Variants in CNR1 observed in about 807,000 individuals in gnomAD.
The protein encoded by CNR1 is cannabinoid receptor 1, also known as cannabinoid receptor 1 (brain).
In CNR1, 10 loss-of-function variants were observed where a neutral mutation model predicts 23.0. That is an observed-to-expected ratio of 0.43 (90% confidence interval 0.27 to 0.74). The LOEUF is 0.74. Ranked by LOEUF, CNR1 falls within the 30% of genes least tolerant of loss-of-function variation. The pLI is 0.19. For synonymous variants in CNR1, 271 were observed against 255.2 expected (o/e 1.06, Z -0.59); for missense variants, 422 against 618.8 (o/e 0.68, Z 3.37).
intron 1 of CNR1, among the ~76,000 whole-genome samples, chr6:88,146,099 T>TC (rs1554280035): frequency 6.6e-6 from 1 of 151,832 alleles, no homozygotes; most frequent in Non-Finnish European, 1.5e-5. Context: ...AGAGTTTTTT[T>TC]TTTCTTTCTT....
At chr6:88,162,016 C>T (rs1191724800) in intron 1 of CNR1, among the ~76,000 whole-genome samples, 1 of 152,142 alleles carries the variant, frequency 6.6e-6, no homozygotes, top group East Asian at 1.9e-4. Context: ...CTGTCTTAAA[C>T]CCATCAGTGT....
At chr6:88,160,426 TTTTC>T (rs1778035654) in intron 1 of CNR1, among the ~76,000 whole-genome samples, 2 of 151,592 alleles carry the variant, frequency 1.3e-5, no homozygotes, top group African/African-American at 2.4e-5. Context: ...AAAAAATTTT[TTTTC>T]TTTTCTTTTT....
chr6:88,154,724 G>C (rs1352776005), intron 1 of CNR1, among the ~76,000 whole-genome samples: 1 of 152,124 alleles, frequency 6.6e-6, no homozygotes, highest in Non-Finnish European at 1.5e-5. Context: ...GATTACAGGT[G>C]CATGCCACCA....
chr6:88,149,374 G>A (rs1192091941), intron 1 of CNR1, among the ~76,000 whole-genome samples: 1 of 152,080 alleles, frequency 6.6e-6, no homozygotes, highest in Non-Finnish European at 1.5e-5. Flanking sequence ...ACCTCTTCTA[G>A]AACATGCTCT....
In CNR1 at chr6:88,143,591, G is replaced by T. The variant is rs757342765; in HGVS notation, c.*265C>A. On this transcript the variant is annotated 3_prime_UTR_variant, in exon 2 of 2. Coordinates refer to ENST00000369501, the MANE Select transcript of CNR1 (RefSeq NM_016083.6). ...TAGACTTCCAATTGTGTAGCCAAAG[G>T]TTTCCCTCCTATTTCATTGAGACTT... The T allele has an allele frequency of 1.1e-5, 4 of 364,724 alleles. No individual in the cohort carries two copies. Among genetic ancestry groups the T allele is most frequent in the Non-Finnish European group, 1.5e-5 (3 of 202,326 alleles). The allele number at this position is 364,724 out of a possible 1,614,324, so 22.6% of individuals were successfully genotyped here. A position where few individuals can be genotyped will look rare whatever the true frequency, so the allele number is the denominator to read the frequency against.
rs1776892506 is a variant in CNR1 at position 88,142,747 on chromosome 6, C to G, written c.*1109G>C. ...CTTTATGACATTACTGTAACAGTTA[C>G]AGGACAGAAACACACATACACACAT... On this transcript the variant is annotated 3_prime_UTR_variant, in exon 2 of 2. Transcript: ENST00000369501. 6.6e-6 allele frequency: 1 copy of G among 152,568 alleles called. No homozygotes were observed. Among genetic ancestry groups the G allele is most frequent in the Non-Finnish European group, 1.5e-5 (1 of 68,038 alleles). The allele number at this position is 152,568 out of a possible 1,614,324, so 9.5% of individuals were successfully genotyped here. A position where few individuals can be genotyped will look rare whatever the true frequency, so the allele number is the denominator to read the frequency against.
At position 88,143,926 on chromosome 6, in the gene CNR1, A is replaced by G. The variant is rs764437215; in HGVS notation, c.1349T>C (p.Ile450Thr). 2 of 1,614,058 alleles carry G rather than the reference A, an allele frequency of 1.2e-6. No individual in the cohort carries two copies. The highest frequency in any genetic ancestry group is 1.1e-5 in the South Asian group (1 of 91,078). Reference sequence around the variant, plus strand: ...CTTGGCAATCTTGACCGTGCTCTTGATGCAGCTTTCTGCGGCCCTGTGAAC... The same window carrying G: ...CTTGGCAATCTTGACCGTGCTCTTGGTGCAGCTTTCTGCGGCCCTGTGAAC... ...ASVHRAAESCIKSTVKIAKVT... is the reference protein window; with the variant it reads ...ASVHRAAESCTKSTVKIAKVT... Residue 450 changes from isoleucine (I) to threonine (T), a missense_variant, in exon 2 of 2, where the codon ATC (isoleucine) becomes ACC (threonine). Ile to Thr is a moderately conservative substitution (Grantham distance 89). This residue lies in a region of CNR1 where 79 missense variants were observed against 98.0 expected (regional missense o/e 0.81). Transcript: ENST00000369501.
At chr6:88,152,471 C>T (rs929011164) in intron 1 of CNR1, among the ~76,000 whole-genome samples, 1 of 152,126 alleles carries the variant, frequency 6.6e-6, no homozygotes, top group African/African-American at 2.4e-5. Context: ...TTAAGATCAC[C>T]GCAAGTGTGA....
At chr6:88,152,349 A>C (rs1777574891) in intron 1 of CNR1, among the ~76,000 whole-genome samples, 1 of 152,212 alleles carries the variant, frequency 6.6e-6, no homozygotes, top group East Asian at 1.9e-4. Flanking sequence ...GGACCTAAAG[A>C]TTAAAATTTA....
chr6:88,149,943 G>A (rs1582344382), intron 1 of CNR1, among the ~76,000 whole-genome samples: 1 of 152,224 alleles, frequency 6.6e-6, no homozygotes, highest in African/African-American at 2.4e-5. Flanking sequence ...GATAGCAGGA[G>A]AGCAGACAGC....
chr6:88,152,172 G>C (rs1434157977), intron 1 of CNR1, among the ~76,000 whole-genome samples: 1 of 136,538 alleles, frequency 7.3e-6, no homozygotes, highest in Non-Finnish European at 1.5e-5. Flanking sequence ...CCGAGATCCC[G>C]CCACTGCACT....
chr6:88,155,147 C>T (rs957021612), intron 1 of CNR1, among the ~76,000 whole-genome samples: 1 of 152,192 alleles, frequency 6.6e-6, no homozygotes, highest in Non-Finnish European at 1.5e-5. Flanking sequence ...TTGCACAGCA[C>T]ACCTTTCACA....
At chr6:88,160,352 A>G (rs1167477836) in intron 1 of CNR1, among the ~76,000 whole-genome samples, 2 of 152,074 alleles carry the variant, frequency 1.3e-5, no homozygotes, top group African/African-American at 4.8e-5. Context: ...ACCCGAAGAA[A>G]TCAATGTTAT....
chr6:88,157,823 A>G (rs142082328), intron 1 of CNR1, among the ~76,000 whole-genome samples: 97 of 152,302 alleles, frequency 6.4e-4, no homozygotes, highest in African/African-American at 2.1e-3. Flanking sequence ...ATTAATCTCT[A>G]TTATTGTAGG....
At chr6:88,159,499 CTTAA>C (rs1276014996) in intron 1 of CNR1, among the ~76,000 whole-genome samples, 1 of 152,224 alleles carries the variant, frequency 6.6e-6, no homozygotes, top group Non-Finnish European at 1.5e-5. Context: ...TGTTCTCTCT[CTTAA>C]TTATTTCGTC....
Position 88,144,901 on chromosome 6 carries a change from G to A in CNR1, c.374C>T (p.Thr125Met), listed in dbSNP as rs967383969. Reference protein sequence around the residue: ...QQLAIAVLSLTLGTFTVLENL... With the variant: ...QQLAIAVLSLMLGTFTVLENL... Reference sequence around the variant, plus strand: ...CTCCAGGACCGTGAAGGTGCCCAGCGTGAGGGACAGGACTGCAATGGCCAG... The same window carrying A: ...CTCCAGGACCGTGAAGGTGCCCAGCATGAGGGACAGGACTGCAATGGCCAG... Residue 125 changes from threonine (T) to methionine (M), a missense_variant, in exon 2 of 2, where the codon ACG (threonine) becomes ATG (methionine). Around this residue, in one of 4 missense-constraint regions of CNR1, gnomAD observed 211 missense variants for 357.3 expected, o/e 0.59. Coordinates refer to ENST00000369501, the MANE Select transcript of CNR1 (RefSeq NM_016083.6). The surrounding 1 kb of genome is among the most constrained non-coding windows in gnomAD (Gnocchi z 7.8). 4 of 1,614,188 alleles carry A rather than the reference G, an allele frequency of 2.5e-6. No homozygotes were observed. The highest frequency in any genetic ancestry group is 3.4e-6 in the Non-Finnish European group (4 of 1,180,020).
rs140053080 is a variant in CNR1, at chr6:88,145,331, G to A, written c.-57C>T. 7.8e-6 allele frequency: 11 copies of A among 1,418,230 alleles called. No homozygotes were observed. The highest frequency in any genetic ancestry group is 2.3e-5 in the East Asian group (1 of 43,690). 87.9% of individuals were successfully genotyped at this position (1,418,230 alleles called of 1,614,324 possible). A position where few individuals can be genotyped will look rare whatever the true frequency, so the allele number is the denominator to read the frequency against. ...ATGACTGAGAAAGTGACCCACAGGG[G>A]GCAATCCTAAGAGGAGGGAAAACAA... On this transcript the variant is annotated 5_prime_UTR_variant, in exon 2 of 2. Coordinates refer to ENST00000369501, the MANE Select transcript of CNR1 (RefSeq NM_016083.6).
intron 1 of CNR1, among the ~76,000 whole-genome samples, chr6:88,146,099 T>C (rs536028752): frequency 5.2e-4 from 79 of 151,950 alleles, no homozygotes; most frequent in South Asian, 8.3e-4. Flanking sequence ...AGAGTTTTTT[T>C]TTTCTTTCTT....
chr6:88,147,327 C>T lies in CNR1; in HGVS notation c.-63-1990G>A, dbSNP rs562276420. On this transcript the variant is annotated intron_variant, in intron 1 of 1. Transcript: ENST00000369501. ...TTCTGTGAAAAAAAGAGTCCTTGCC[C>T]GCATGAAGGATATGATCTAGCAGAG... Among the ~76,000 whole-genome samples, 11 of 151,968 alleles carry T rather than the reference C, an allele frequency of 7.2e-5. No individual in the cohort carries two copies. In the South Asian group the frequency reaches 1.9e-3, roughly 26 times the overall value.
Sources: gnomAD v4.1 joint callset for allele counts (sites outside exome capture counted in the v4.1 genomes callset) on GRCh38, gnomAD v4.1.1 for gene constraint, gnomAD v4.1.1 regional missense constraint, Gnocchi (gnomAD v3.1) non-coding constraint, MANE v1.5 for transcripts, NCBI Gene and HGNC (gene_info 2026-07-23, HGNC 2026-07-21) for gene names.